Variants in PLD1 observed in about 807,000 individuals in gnomAD.
PLD1 encodes the protein choline phosphatase 1.
A neutral mutation model predicts 137.1 loss-of-function variants in PLD1; 112 were observed. The ratio of observed to expected loss-of-function variants is 0.82; its 90% confidence interval spans 0.70 to 0.96. The LOEUF is 0.96. PLD1 is among the 40% of genes least tolerant of loss of function. The pLI is 0.00. For missense variants in PLD1, 1,321 were observed against 1,342.0 expected, an observed-to-expected ratio of 0.98 and a Z score of 0.24; for synonymous variants, 431 against 454.7, an observed-to-expected ratio of 0.95 and a Z score of 0.66.
Position 171,605,605 on chromosome 3 carries a change from C to T in PLD1, c.2883-189G>A, listed in dbSNP as rs1380192109. ...GAAACTATTGTCTGAATTGACCACA[C>T]ATAAACAGCGGACTAGACATAACAA... On this transcript the variant is annotated intron_variant, in intron 25 of 26. Transcript: ENST00000351298. Among the ~76,000 whole-genome samples the T allele has an allele frequency of 2.0e-5, 3 of 152,342 alleles. No individual in the cohort carries two copies. In the South Asian group the frequency reaches 6.2e-4, roughly 32 times the overall value.
intron 1 of PLD1, among the ~76,000 whole-genome samples, chr3:171,773,692 T>A (rs532326331): frequency 1.3e-5 from 2 of 152,320 alleles, no homozygotes; most frequent in South Asian, 4.1e-4. Context: ...GGTTCTAAAG[T>A]GCTTTATAAG....
chr3:171,761,196 C>G (rs1721368533), intron 1 of PLD1, among the ~76,000 whole-genome samples: 2 of 152,148 alleles, frequency 1.3e-5, no homozygotes, highest in Admixed American at 1.3e-4. Context: ...TGGGAGGGAG[C>G]AGAGCAAGTG....
intron 6 of PLD1, among the ~76,000 whole-genome samples, chr3:171,730,700 G>A (rs569738134): frequency 4.9e-4 from 72 of 148,452 alleles, no homozygotes; most frequent in Non-Finnish European, 9.6e-4. Context: ...GTGCAGTGGC[G>A]CAACTGTGGC....
At chr3:171,767,418 A>G (rs1218505676) in intron 1 of PLD1, among the ~76,000 whole-genome samples, 1 of 152,270 alleles carries the variant, frequency 6.6e-6, no homozygotes, top group Non-Finnish European at 1.5e-5. Context: ...GGTTGACAGT[A>G]AGTCAACAGA....
intron 11 of PLD1, among the ~76,000 whole-genome samples, chr3:171,706,329 C>T (rs1716692723): frequency 6.6e-6 from 1 of 151,762 alleles, no homozygotes; most frequent in South Asian, 2.1e-4. Flanking sequence ...ACTAAAGAGG[C>T]TCAACCCATC....
At chr3:171,677,074 A>G (rs1158221259) in intron 17 of PLD1, among the ~76,000 whole-genome samples, 7 of 152,258 alleles carry the variant, frequency 4.6e-5, no homozygotes. Flanking sequence ...TAATCACTAG[A>G]CATGGCAAGA....
chr3:171,642,860 A>G lies in PLD1; in HGVS notation c.2573T>C (p.Leu858Pro). 6.3e-7 allele frequency: 1 copy of G among 1,590,390 alleles called. No individual in the cohort carries two copies. The highest frequency in any genetic ancestry group is 8.6e-7 in the Non-Finnish European group (1 of 1,165,292). Residue 858 changes from leucine to proline, a missense_variant, in exon 23 of 27, where the codon CTT becomes CCT. Leu to Pro is a moderately conservative substitution (Grantham distance 98). Transcript: ENST00000351298. ...RTMCRGENSI[L>P]GQLKAELGNQ... ...CTTACGCTCTGCTTTTAACTGTCCA[A>G]GGATGGAATTTTCTCCTCTGCACAT...
intron 1 of PLD1, among the ~76,000 whole-genome samples, chr3:171,781,511 T>A (rs556412202): frequency 6.6e-6 from 1 of 152,198 alleles, no homozygotes; most frequent in Non-Finnish European, 1.5e-5. Flanking sequence ...AAATCATATA[T>A]CTGACAAAGA....
intron 1 of PLD1, among the ~76,000 whole-genome samples, chr3:171,764,890 A>G (rs1560288644): frequency 7.4e-4 from 20 of 27,026 alleles, no homozygotes; most frequent in Admixed American, 1.5e-3. Context: ...AAAGAAAGAA[A>G]GAAAGGAAGG....
chr3:171,699,414 A>C (rs906582140), intron 12 of PLD1, among the ~76,000 whole-genome samples: 1 of 152,244 alleles, frequency 6.6e-6, no homozygotes, highest in African/African-American at 2.4e-5. Context: ...GAATACAATT[A>C]AATGCTATGC....
intron 1 of PLD1, among the ~76,000 whole-genome samples, chr3:171,747,038 A>G (rs891655501): frequency 4.6e-5 from 7 of 152,196 alleles, no homozygotes; most frequent in Non-Finnish European, 8.8e-5. Flanking sequence ...GGAGAAATGA[A>G]CAACTCCAGA....
chr3:171,718,795 G>A lies in PLD1; in HGVS notation c.759-4750C>T, dbSNP rs1358226037. On this transcript the variant is annotated intron_variant, in intron 8 of 26. Coordinates refer to ENST00000351298, the MANE Select transcript of PLD1 (RefSeq NM_002662.5). ...GATAACATAAGACATATAACATGAG[G>A]ACCTAACAGCAACATCTAGTTCATA... Among the ~76,000 whole-genome samples, 5 of 152,076 alleles carry A rather than the reference G, an allele frequency of 3.3e-5. No homozygotes were observed. In the South Asian group the frequency reaches 8.3e-4, roughly 25 times the overall value.
chr3:171,800,148 C>T (rs1355418567), intron 1 of PLD1, among the ~76,000 whole-genome samples: 2 of 152,150 alleles, frequency 1.3e-5, no homozygotes, highest in Non-Finnish European at 2.9e-5. Flanking sequence ...CTTTGAAACT[C>T]GCTATAATAG....
intron 1 of PLD1, among the ~76,000 whole-genome samples, chr3:171,756,283 T>A (rs1490552713): frequency 6.6e-6 from 1 of 152,148 alleles, no homozygotes; most frequent in Admixed American, 6.5e-5. Flanking sequence ...CCAAATATGA[T>A]TTTGTAGGAT....
chr3:171,773,674 C>A (rs923496283), intron 1 of PLD1, among the ~76,000 whole-genome samples: 3 of 152,188 alleles, frequency 2.0e-5, no homozygotes, highest in African/African-American at 7.2e-5. Context: ...TTCCGATGAG[C>A]CAAGCTTGGT....
Position 171,717,891 on chromosome 3 carries a change from A to C in PLD1, c.759-3846T>G, listed in dbSNP as rs115035692. On this transcript the variant is annotated intron_variant, in intron 8 of 26. Coordinates refer to ENST00000351298, the MANE Select transcript of PLD1 (RefSeq NM_002662.5). ...TCATAGATGGCTCTTATTATTTTGG[A>C]GTATGTTCCTTCAATGTGTAGTTTA... is the stretch of plus-strand genomic sequence containing the variant. Among the ~76,000 whole-genome samples the C allele has an allele frequency of 8.9e-3, 1,357 of 152,132 alleles. 25 individuals carry two copies. Among genetic ancestry groups the C allele is most frequent in the African/African-American group, 0.032 (1,311 of 41,494 alleles).
intron 23 of PLD1, among the ~76,000 whole-genome samples, chr3:171,624,264 A>G (rs1733893037): frequency 6.6e-6 from 1 of 152,186 alleles, no homozygotes; most frequent in African/African-American, 2.4e-5. Flanking sequence ...ATACATTTGA[A>G]AAGATATCCA....
intron 25 of PLD1, among the ~76,000 whole-genome samples, chr3:171,611,209 A>G (rs1732629113): frequency 6.6e-6 from 1 of 152,232 alleles, no homozygotes. Flanking sequence ...TAGTTCTAGA[A>G]TCATAAAACT....
rs781035142 is a variant in PLD1 at position 171,605,312 on chromosome 3, G to T, written c.2987C>A (p.Thr996Lys). The stretch of plus-strand genomic sequence containing the variant: ...CGTGAACTTCACCTTGTCATAAATT[G>T]TAGCATTTCGAGCTGCTGTTGAAAC... ...VWVSTAARNA[T>K]IYDKVFRCLP... The change falls in exon 26 of 27, where the codon ACA (threonine) becomes AAA (lysine). Residue 996 changes from threonine (T) to lysine (K), a missense_variant. By Grantham distance (78) the Thr-to-Lys change is moderately conservative (BLOSUM62 -1). Coordinates refer to ENST00000351298, the MANE Select transcript of PLD1 (RefSeq NM_002662.5). The T allele has an allele frequency of 6.3e-7, 1 of 1,594,792 alleles. No homozygotes were observed. Among genetic ancestry groups the T allele is most frequent in the Non-Finnish European group, 8.6e-7 (1 of 1,162,348 alleles).
Sources: allele counts gnomAD v4.1 joint callset (sites outside exome capture counted in the v4.1 genomes callset), GRCh38; gene constraint gnomAD v4.1.1; transcripts MANE v1.5; gene names NCBI Gene and HGNC (gene_info 2026-07-23, HGNC 2026-07-21).